NUBPL: variants seen among roughly 807,000 people sequenced by gnomAD.
The protein encoded by NUBPL is NUBP iron-sulfur cluster assembly factor, mitochondrial, also known as iron-sulfur cluster transfer protein NUBPL.
A neutral mutation model predicts 45.7 loss-of-function variants in NUBPL; 31 were observed. That is an observed-to-expected ratio of 0.68 (90% confidence interval 0.51 to 0.92). The LOEUF (loss-of-function observed/expected upper bound fraction) is 0.92, where lower values mean the gene tolerates loss of function less well. Ranked by LOEUF, NUBPL falls within the 40% of genes least tolerant of loss-of-function variation. The pLI, the probability that NUBPL is intolerant of heterozygous loss-of-function variation, is 0.00. For synonymous variants in NUBPL, 144 were observed against 140.9 expected, an observed-to-expected ratio of 1.02 and a Z score of -0.15; for missense variants, 401 against 398.7, an observed-to-expected ratio of 1.01 and a Z score of -0.05.
At chr14:31,631,990 TC>T in intron 4 of NUBPL, among the ~76,000 whole-genome samples, 1 of 152,160 alleles carries the variant, frequency 6.6e-6, no homozygotes, top group East Asian at 1.9e-4. Flanking sequence ...TTGCCCTTCA[TC>T]TAAGTTGTAT....
chr14:31,773,460 C>T (rs867218717), intron 6 of NUBPL, among the ~76,000 whole-genome samples: 30 of 151,984 alleles, frequency 2.0e-4, no homozygotes, highest in African/African-American at 4.8e-4. Context: ...ATATTTTCTT[C>T]GTTTAGGGAG....
At chr14:31,766,993 A>T (rs866887649) in intron 6 of NUBPL, among the ~76,000 whole-genome samples, 70 of 145,470 alleles carry the variant, frequency 4.8e-4, no homozygotes, top group African/African-American at 1.4e-3. Context: ...ATACATAATT[A>T]AAAAAAAAAG....
chr14:31,607,380 C>G (rs1470509435), intron 4 of NUBPL, among the ~76,000 whole-genome samples: 2 of 129,584 alleles, frequency 1.5e-5, no homozygotes, highest in African/African-American at 5.1e-5. Flanking sequence ...GAGACTTTGT[C>G]TCAAAAAAAA....
chr14:31,583,466 A>G (rs1172516216), intron 3 of NUBPL, among the ~76,000 whole-genome samples: 1 of 152,226 alleles, frequency 6.6e-6, no homozygotes, highest in Non-Finnish European at 1.5e-5. Flanking sequence ...ATTTATTTAC[A>G]TCTGTGATAA....
In NUBPL at chr14:31,571,562, G is replaced by T. The variant is rs191179038; in HGVS notation, c.291+6514G>T. On this transcript the variant is annotated intron_variant, in intron 3 of 10. Transcript: ENST00000281081. ...CCTCCTGGGTTCAAGTGATTCTCCT[G>T]CCTCAGCCTCCCAAGTAGCTGGGAT... 6.4e-3 allele frequency among the ~76,000 whole-genome samples: 971 copies of T among 151,848 alleles called. 10 individuals are homozygous for T. Among genetic ancestry groups the T allele is most frequent in the African/African-American group, 0.022 (909 of 41,366 alleles).
intron 6 of NUBPL, among the ~76,000 whole-genome samples, chr14:31,689,206 A>G (rs1037676186): frequency 1.3e-5 from 2 of 152,188 alleles, no homozygotes; most frequent in Non-Finnish European, 2.9e-5. Context: ...GTTGGGTTGA[A>G]TGGTAGTTTT....
intron 3 of NUBPL, among the ~76,000 whole-genome samples, chr14:31,591,584 G>A (rs2034144555): frequency 6.6e-6 from 1 of 152,110 alleles, no homozygotes; most frequent in Non-Finnish European, 1.5e-5. Context: ...AGATTTTCTG[G>A]GGAGAAAATG....
chr14:31,601,136 A>G (rs936337584), intron 4 of NUBPL, among the ~76,000 whole-genome samples: 10 of 152,178 alleles, frequency 6.6e-5, no homozygotes, highest in Non-Finnish European at 1.2e-4. Context: ...TACCAGTACC[A>G]TGCTGTTTTG....
chr14:31,597,149 TC>T (rs2034305636), intron 3 of NUBPL, among the ~76,000 whole-genome samples: 1 of 152,166 alleles, frequency 6.6e-6, no homozygotes, highest in Admixed American at 6.6e-5. Flanking sequence ...TCCCTTTGTT[TC>T]CTTTTTGATA....
At chr14:31,761,122 C>A (rs2038798954) in intron 6 of NUBPL, among the ~76,000 whole-genome samples, 1 of 152,146 alleles carries the variant, frequency 6.6e-6, no homozygotes, top group African/African-American at 2.4e-5. Flanking sequence ...TCAGCAGCCA[C>A]AACACCATTA....
At chr14:31,647,019 A>G (rs1327541245) in intron 4 of NUBPL, among the ~76,000 whole-genome samples, 1 of 152,048 alleles carries the variant, frequency 6.6e-6, no homozygotes, top group Non-Finnish European at 1.5e-5. Context: ...ACTTCAGCAA[A>G]CATATTTCTC....
At chr14:31,734,258 A>G (rs913491363) in intron 6 of NUBPL, among the ~76,000 whole-genome samples, 7 of 152,174 alleles carry the variant, frequency 4.6e-5, no homozygotes, top group Admixed American at 4.6e-4. Context: ...TATCTGCCAT[A>G]TAATAATGTC....
At chr14:31,704,603 C>G (rs2037406401) in intron 6 of NUBPL, among the ~76,000 whole-genome samples, 1 of 152,038 alleles carries the variant, frequency 6.6e-6, no homozygotes, top group African/African-American at 2.4e-5. Flanking sequence ...GCGGAGGTTG[C>G]TGTGAGCCAA....
intron 4 of NUBPL, among the ~76,000 whole-genome samples, chr14:31,624,186 G>T (rs1191874741): frequency 6.6e-6 from 1 of 152,148 alleles, no homozygotes; most frequent in Non-Finnish European, 1.5e-5. Context: ...TGGATGAATA[G>T]ACCTTGGTAA....
intron 6 of NUBPL, among the ~76,000 whole-genome samples, chr14:31,765,467 G>A (rs1055437968): frequency 2.0e-5 from 3 of 152,198 alleles, no homozygotes; most frequent in Non-Finnish European, 2.9e-5. Flanking sequence ...CAAGGAGGAT[G>A]GGGCCATATT....
At chr14:31,823,723 TTC>T (rs962160058) in intron 7 of NUBPL, among the ~76,000 whole-genome samples, 5 of 152,196 alleles carry the variant, frequency 3.3e-5, no homozygotes, top group Admixed American at 1.3e-4. Context: ...CTCAGAGTGA[TTC>T]TTAGTTATTT....
intron 4 of NUBPL, among the ~76,000 whole-genome samples, chr14:31,623,325 A>G (rs1050666449): frequency 2.0e-5 from 3 of 152,208 alleles, no homozygotes; most frequent in African/African-American, 7.2e-5. Flanking sequence ...GGCTCAGATG[A>G]GACTTTGAAC....
At position 31,774,834 on chromosome 14, in the gene NUBPL, T is replaced by C. The variant is rs143691697; in HGVS notation, c.514-12946T>C. Among the ~76,000 whole-genome samples, 320 of 152,272 alleles carry C rather than the reference T, an allele frequency of 2.1e-3. 1 individual carries two copies. The highest frequency in any genetic ancestry group is 7.4e-3 in the African/African-American group (306 of 41,558). ...AATCAATCATGCCCTCTCCCCTCCATAGAGGTTGGGCCTGGGACTCAAAGT... is the reference window on the plus strand; with the variant it reads ...AATCAATCATGCCCTCTCCCCTCCACAGAGGTTGGGCCTGGGACTCAAAGT... On this transcript the variant is annotated intron_variant, in intron 6 of 10. Transcript: ENST00000281081.
chr14:31,590,355 C>G (rs535460878), intron 3 of NUBPL, among the ~76,000 whole-genome samples: 1 of 152,004 alleles, frequency 6.6e-6, no homozygotes, highest in African/African-American at 2.4e-5. Context: ...TTCCTCCCAT[C>G]CCATCTCCTT....
Sources: allele counts gnomAD v4.1 joint callset (sites outside exome capture counted in the v4.1 genomes callset), GRCh38; gene constraint gnomAD v4.1.1; transcripts MANE v1.5; gene names NCBI Gene and HGNC (gene_info 2026-07-23, HGNC 2026-07-21).